DPP10: variants seen among roughly 807,000 people sequenced by gnomAD.
The protein encoded by DPP10 is inactive dipeptidyl peptidase 10.
DPP10 carries 33 observed loss-of-function variants against 120.9 expected under a neutral mutation model. The observed-to-expected ratio is 0.27, with a 90% CI of 0.21 to 0.37. DPP10 has a LOEUF of 0.37. Among genes scored for constraint, DPP10 ranks in the 10% least tolerant of loss-of-function variants. The pLI, the probability that DPP10 is intolerant of heterozygous loss-of-function variation, is 1.00. For missense variants in DPP10, 816 were observed against 942.8 expected (o/e 0.87, Z 1.76); for synonymous variants, 337 against 326.1 (o/e 1.03, Z -0.36).
At chr2:115,104,709 GA>G (rs1387128766) in intron 1 of DPP10, among the ~76,000 whole-genome samples, 1 of 151,826 alleles carries the variant, frequency 6.6e-6, no homozygotes, top group Non-Finnish European at 1.5e-5. Flanking sequence ...TGTTATGTAG[GA>G]AAAAAAATCT....
intron 8 of DPP10, among the ~76,000 whole-genome samples, chr2:115,736,160 C>G (rs1676475222): frequency 6.6e-6 from 1 of 152,076 alleles, no homozygotes; most frequent in South Asian, 2.1e-4. Context: ...AACTCACCAA[C>G]TTCAATATTA....
At chr2:115,801,365 A>G (rs1355020284) in intron 19 of DPP10, among the ~76,000 whole-genome samples, 1 of 152,136 alleles carries the variant, frequency 6.6e-6, no homozygotes, top group Admixed American at 6.6e-5. Context: ...TAAATATATA[A>G]TCATGTCATC....
chr2:115,007,747 A>G (rs1701961522), intron 1 of DPP10, among the ~76,000 whole-genome samples: 1 of 151,384 alleles, frequency 6.6e-6, no homozygotes, highest in South Asian at 2.1e-4. Context: ...TACAAAATCA[A>G]TGTGCAAAAA....
intron 3 of DPP10, among the ~76,000 whole-genome samples, chr2:115,492,893 ATACTT>A (rs2105358530): frequency 6.6e-6 from 1 of 152,270 alleles, no homozygotes; most frequent in South Asian, 2.1e-4. Flanking sequence ...TATTAGGTGA[ATACTT>A]TAAAGGTGTT....
intron 5 of DPP10, among the ~76,000 whole-genome samples, chr2:115,538,339 G>C (rs1164776325): frequency 6.6e-6 from 1 of 151,944 alleles, no homozygotes; most frequent in African/African-American, 2.4e-5. Context: ...TATTACATGT[G>C]AGAGCCTCCA....
intron 21 of DPP10, 31 bp downstream of exon 21, chr2:115,815,760 T>G: frequency 1.3e-6 from 2 of 1,570,020 alleles, no homozygotes; most frequent in Non-Finnish European, 1.7e-6. Context: ...ATCTATCTTT[T>G]TATGCGTATC....
chr2:114,680,220 T>C (rs1278980341), intron 1 of DPP10, among the ~76,000 whole-genome samples: 5 of 152,020 alleles, frequency 3.3e-5, no homozygotes, highest in African/African-American at 1.2e-4. Flanking sequence ...ATAAAAACTT[T>C]TCATGTTCCT....
intron 5 of DPP10, among the ~76,000 whole-genome samples, chr2:115,538,792 C>A (rs2079017860): frequency 6.6e-6 from 1 of 151,870 alleles, no homozygotes; most frequent in African/African-American, 2.4e-5. Flanking sequence ...CTGCAGTCAC[C>A]AGCCACATGT....
At chr2:114,997,534 G>A (rs1326932177) in intron 1 of DPP10, among the ~76,000 whole-genome samples, 1 of 150,996 alleles carries the variant, frequency 6.6e-6, no homozygotes, top group African/African-American at 2.4e-5. Context: ...TACATGGAAT[G>A]CCTTTCAAGG....
intron 1 of DPP10, among the ~76,000 whole-genome samples, chr2:114,735,658 T>A (rs955661796): frequency 1.3e-5 from 2 of 152,122 alleles, no homozygotes; most frequent in Non-Finnish European, 2.9e-5. Context: ...ATATCTTGGC[T>A]CTTTGATAAT....
intron 1 of DPP10, among the ~76,000 whole-genome samples, chr2:114,890,991 G>T (rs2106633684): frequency 6.6e-6 from 1 of 152,228 alleles, no homozygotes; most frequent in Non-Finnish European, 1.5e-5. Context: ...AGTTTTATCT[G>T]CTACTGGTTT....
rs569027655 is a variant in DPP10, at chr2:114,876,914, C to A, written c.61-432325C>A. On this transcript the variant is annotated intron_variant, in intron 1 of 25. Transcript: ENST00000410059. ...TGACCCTAAAGGTACTAAAGTGTCA[C>A]GACTTTTCCTTTCCTCTGCAGTCTC... Among the ~76,000 whole-genome samples, 8 of 151,918 alleles carry A rather than the reference C, an allele frequency of 5.3e-5. No individual in the cohort carries two copies. The Admixed American group carries it at 5.3e-4, about 10-fold the overall frequency.
intron 1 of DPP10, among the ~76,000 whole-genome samples, chr2:114,712,522 C>T (rs766373487): frequency 3.9e-5 from 6 of 152,098 alleles, no homozygotes; most frequent in Non-Finnish European, 7.4e-5. Context: ...AGTGTGTGGT[C>T]CTTCCTCTTT....
chr2:114,986,337 G>T (rs1700388387), intron 1 of DPP10, among the ~76,000 whole-genome samples: 1 of 152,128 alleles, frequency 6.6e-6, no homozygotes, highest in African/African-American at 2.4e-5. Flanking sequence ...CTACAGCTGG[G>T]TTTTGAGCAT....
chr2:114,921,652 G>A (rs1695203320), intron 1 of DPP10, among the ~76,000 whole-genome samples: 1 of 152,170 alleles, frequency 6.6e-6, no homozygotes, highest in East Asian at 1.9e-4. Context: ...TAAATGAAAT[G>A]CTACTTATGC....
chr2:115,224,752 A>AT (rs1190281144), intron 1 of DPP10, among the ~76,000 whole-genome samples: 1 of 152,210 alleles, frequency 6.6e-6, no homozygotes, highest in African/African-American at 2.4e-5. Context: ...AGGTATATTT[A>AT]TTTTTTAAAA....
intron 3 of DPP10, among the ~76,000 whole-genome samples, chr2:115,369,243 A>T (rs531304856): frequency 3.9e-5 from 6 of 152,204 alleles, no homozygotes; most frequent in Non-Finnish European, 8.8e-5. Context: ...CACACTGGTG[A>T]TAAGGAAATG....
intron 1 of DPP10, among the ~76,000 whole-genome samples, chr2:114,573,688 C>T (rs1689831400): frequency 6.6e-6 from 1 of 152,180 alleles, no homozygotes; most frequent in Non-Finnish European, 1.5e-5. Flanking sequence ...GCTAGGAAAG[C>T]TGTCTTGATC....
At chr2:115,527,203 A>G (rs570564916) in intron 5 of DPP10, among the ~76,000 whole-genome samples, 16 of 152,212 alleles carry the variant, frequency 1.1e-4, no homozygotes, top group African/African-American at 3.6e-4. Context: ...AGAAGAGAGA[A>G]CCCAGAAATA....
Sources: gnomAD v4.1 joint callset for allele counts (sites outside exome capture counted in the v4.1 genomes callset) on GRCh38, gnomAD v4.1.1 for gene constraint, MANE v1.5 for transcripts, NCBI Gene and HGNC (gene_info 2026-07-23, HGNC 2026-07-21) for gene names.